The following NTM variants were observed in gnomAD, a reference collection of about 807,000 sequenced individuals.
The protein encoded by NTM is neurotrimin.
NTM carries 13 observed loss-of-function variants against 42.1 expected under a neutral mutation model. The observed-to-expected ratio is 0.31, with a 90% CI of 0.20 to 0.49. The LOEUF is 0.49. Ranked by LOEUF, NTM falls within the 20% of genes least tolerant of loss-of-function variation. NTM has a pLI of 0.99. For missense variants in NTM, 373 were observed against 452.8 expected (o/e 0.82, Z 1.60); for synonymous variants, 187 against 179.2 (o/e 1.04, Z -0.35).
chr11:132,086,606 C>T (rs1250436901), intron 2 of NTM, among the ~76,000 whole-genome samples: 1 of 152,186 alleles, frequency 6.6e-6, no homozygotes, highest in Non-Finnish European at 1.5e-5. Flanking sequence ...AACCAACAAG[C>T]CTCAATTAAG....
chr11:131,796,908 C>A (rs1175127497), intron 1 of NTM, among the ~76,000 whole-genome samples: 1 of 152,094 alleles, frequency 6.6e-6, no homozygotes, highest in Non-Finnish European at 1.5e-5. Flanking sequence ...ATTACACTTA[C>A]AAATAGTCAA....
intron 1 of NTM, among the ~76,000 whole-genome samples, chr11:131,549,007 A>G (rs944051370): frequency 2.0e-5 from 3 of 152,348 alleles, no homozygotes; most frequent in Admixed American, 1.3e-4. Flanking sequence ...GTGTTTGTGC[A>G]TATGCCATCA....
rs542052336 is a variant in NTM, at chr11:132,264,625, C to G, written c.527-43064C>G. The stretch of plus-strand genomic sequence containing the variant: ...TATATTTGCATAAACCATCTTAAAT[C>G]TCTTAAAAATAAAGGCAAGATATAA... On this transcript the variant is annotated intron_variant, in intron 4 of 8. Coordinates refer to ENST00000683400, the MANE Select transcript of NTM (RefSeq NM_001352005.2). 2.0e-5 allele frequency among the ~76,000 whole-genome samples: 3 copies of G among 152,182 alleles called. No homozygotes were observed. In the East Asian group the frequency reaches 5.8e-4, roughly 29 times the overall value.
At chr11:131,702,861 A>T (rs922234179) in intron 1 of NTM, among the ~76,000 whole-genome samples, 1 of 152,218 alleles carries the variant, frequency 6.6e-6, no homozygotes, top group Non-Finnish European at 1.5e-5. Context: ...AATAATATAA[A>T]CGGTGAGTTT....
chr11:132,147,423 C>T (rs2070777968), intron 3 of NTM, among the ~76,000 whole-genome samples: 1 of 151,992 alleles, frequency 6.6e-6, no homozygotes, highest in Non-Finnish European at 1.5e-5. Flanking sequence ...CAAGTTATTA[C>T]CGTGTCTCAG....
chr11:131,878,308 C>T (rs757532967), intron 1 of NTM, among the ~76,000 whole-genome samples: 7 of 151,886 alleles, frequency 4.6e-5, no homozygotes, highest in Non-Finnish European at 4.4e-5. Context: ...TGGTGGCTGG[C>T]GCCTGTAATC....
chr11:131,694,752 A>C (rs2135081579), intron 1 of NTM, among the ~76,000 whole-genome samples: 1 of 152,328 alleles, frequency 6.6e-6, no homozygotes, highest in Middle Eastern at 3.4e-3. Context: ...TTTTATGCCA[A>C]GACCATGAGC....
intron 1 of NTM, among the ~76,000 whole-genome samples, chr11:131,437,467 C>T (rs550696865): frequency 6.6e-6 from 1 of 152,236 alleles, no homozygotes; most frequent in African/African-American, 2.4e-5. Context: ...TCTGAGTGCT[C>T]CTGTGTTGGG....
intron 2 of NTM, among the ~76,000 whole-genome samples, chr11:132,087,028 T>C (rs2059805264): frequency 2.0e-5 from 3 of 152,284 alleles, no homozygotes; most frequent in African/African-American, 7.2e-5. Flanking sequence ...AGACTGAAGA[T>C]GAATGGCTGC....
intron 1 of NTM, among the ~76,000 whole-genome samples, chr11:131,749,419 A>G (rs1041552369): frequency 6.6e-6 from 1 of 152,220 alleles, no homozygotes; most frequent in Admixed American, 6.5e-5. Flanking sequence ...TAAAAATGGC[A>G]AGAAGAATGC....
chr11:131,900,320 G>C (rs2052960080), intron 1 of NTM, among the ~76,000 whole-genome samples: 1 of 152,372 alleles, frequency 6.6e-6, no homozygotes, highest in Non-Finnish European at 1.5e-5. Context: ...AGTTGCTAAA[G>C]CTGAAAATAC....
intron 2 of NTM, among the ~76,000 whole-genome samples, chr11:132,052,065 T>C (rs1337550699): frequency 6.6e-6 from 1 of 152,098 alleles, no homozygotes. Flanking sequence ...CAAAAAAAAT[T>C]GCAAACAGGC....
intron 1 of NTM, among the ~76,000 whole-genome samples, chr11:131,399,838 G>C (rs1944938326): frequency 6.6e-6 from 1 of 152,232 alleles, no homozygotes; most frequent in Middle Eastern, 3.4e-3. Flanking sequence ...CATAGAAATT[G>C]ATGGCTGGTT....
At chr11:131,520,129 T>C (rs1325465863) in intron 1 of NTM, among the ~76,000 whole-genome samples, 3 of 152,184 alleles carry the variant, frequency 2.0e-5, no homozygotes. Context: ...TTATAGAATC[T>C]CCAGATAATA....
intron 1 of NTM, among the ~76,000 whole-genome samples, chr11:131,463,823 C>T (rs1277002706): frequency 3.9e-5 from 6 of 152,178 alleles, no homozygotes; most frequent in African/African-American, 9.7e-5. Flanking sequence ...GCTAATCAGG[C>T]GGTGGCTCCA....
chr11:132,050,314 C>T (rs1319659687), intron 2 of NTM, among the ~76,000 whole-genome samples: 1 of 152,162 alleles, frequency 6.6e-6, no homozygotes, highest in Non-Finnish European at 1.5e-5. Context: ...GGGAGCACAG[C>T]TCTGTCCTGC....
At chr11:132,190,116 G>A (rs2079063677) in intron 3 of NTM, among the ~76,000 whole-genome samples, 1 of 152,154 alleles carries the variant, frequency 6.6e-6, no homozygotes, top group Admixed American at 6.5e-5. Context: ...TTGTGTGCTG[G>A]GAATTGTTGG....
At chr11:132,079,485 G>A (rs928612318) in intron 2 of NTM, among the ~76,000 whole-genome samples, 2 of 152,204 alleles carry the variant, frequency 1.3e-5, no homozygotes, top group African/African-American at 2.4e-5. Context: ...TAAGGATGAT[G>A]TTGATGCTAT....
rs544991538 is a variant in NTM at position 132,070,698 on chromosome 11, C to A, written c.168-75584C>A. Among the ~76,000 whole-genome samples, 428 of 142,014 alleles carry A rather than the reference C, an allele frequency of 3.0e-3. 6 individuals carry two copies. The highest frequency in any genetic ancestry group is 0.01 in the African/African-American group (389 of 38,178). The allele number at this position is 142,014 out of a possible 152,430, so 93.2% of individuals were successfully genotyped here. ...AGCCAAGTTAACACGTCAAACTGACCATCACAGGTTAGTTAACACGTCACA... is the reference window on the plus strand; with the variant it reads ...AGCCAAGTTAACACGTCAAACTGACAATCACAGGTTAGTTAACACGTCACA... On this transcript the variant is annotated intron_variant, in intron 2 of 8. Transcript: ENST00000683400.
Sources: gnomAD v4.1 joint callset for allele counts (sites outside exome capture counted in the v4.1 genomes callset) on GRCh38, gnomAD v4.1.1 for gene constraint, MANE v1.5 for transcripts, NCBI Gene and HGNC (gene_info 2026-07-23, HGNC 2026-07-21) for gene names.